Variants in NF2 observed in about 807,000 individuals in gnomAD.
NF2 encodes the protein merlin.
In NF2, 8 loss-of-function variants were observed where a neutral mutation model predicts 83.7. The ratio of observed to expected loss-of-function variants is 0.10; its 90% CI spans 0.06 to 0.17. NF2 has a LOEUF of 0.17. Ranked by LOEUF, NF2 falls within the 10% of genes least tolerant of loss-of-function variation. The probability of loss-of-function intolerance (pLI) is 1.00; values close to 1 mark genes in which losing one functional copy is unlikely to be tolerated. For missense variants in NF2, 533 were observed against 744.4 expected, an observed-to-expected ratio of 0.72 and a Z score of 3.31; for synonymous variants, 266 against 269.6, an observed-to-expected ratio of 0.99 and a Z score of 0.13.
chr22:29,608,402 C>T (rs1370087926), intron 1 of NF2, among the ~76,000 whole-genome samples: 2 of 150,918 alleles, frequency 1.3e-5, no homozygotes, highest in South Asian at 2.1e-4. Flanking sequence ...CCTCAGCCAC[C>T]GCACAGTGGC....
chr22:29,630,780 G>A (rs1273268159), intron 1 of NF2, among the ~76,000 whole-genome samples: 1 of 152,198 alleles, frequency 6.6e-6, no homozygotes, highest in Non-Finnish European at 1.5e-5. Context: ...AGAGCAGTTT[G>A]AACACTTTGG....
At chr22:29,691,796 G>A (rs1569318033) in intron 15 of NF2, among the ~76,000 whole-genome samples, 7 of 152,362 alleles carry the variant, frequency 4.6e-5, no homozygotes, top group Admixed American at 4.6e-4. Flanking sequence ...CAAGCTCTCT[G>A]TAGAAAAACT....
At chr22:29,628,475 G>A (rs2065426076) in intron 1 of NF2, among the ~76,000 whole-genome samples, 2 of 151,952 alleles carry the variant, frequency 1.3e-5, no homozygotes, top group Non-Finnish European at 2.9e-5. Context: ...AGAGTTGAAG[G>A]CAGTAATTAA....
intron 7 of NF2, among the ~76,000 whole-genome samples, chr22:29,660,150 C>A (rs897155187): frequency 6.6e-6 from 1 of 152,140 alleles, no homozygotes; most frequent in East Asian, 1.9e-4. Context: ...ACAGCACTGG[C>A]GGGTGGACCT....
chr22:29,688,301 G>A (rs2067316753), intron 15 of NF2, among the ~76,000 whole-genome samples: 2 of 152,130 alleles, frequency 1.3e-5, no homozygotes, highest in Admixed American at 1.3e-4. Context: ...CGGCCCCTCG[G>A]CACTGAAGAT....
chr22:29,635,624 G>A (rs1483256000), intron 1 of NF2, among the ~76,000 whole-genome samples: 5 of 152,106 alleles, frequency 3.3e-5, no homozygotes, highest in South Asian at 2.1e-4. Flanking sequence ...CACCACGCCC[G>A]GCTGCCTAAG....
At chr22:29,611,117 C>T (rs184503336) in intron 1 of NF2, among the ~76,000 whole-genome samples, 3 of 152,190 alleles carry the variant, frequency 2.0e-5, no homozygotes, top group East Asian at 3.9e-4. Context: ...AAGCATTTGA[C>T]AAAATTCAGC....
At chr22:29,683,304 G>A in intron 15 of NF2, 7 of 1,431,350 alleles carry the variant, frequency 4.9e-6, no homozygotes, top group Non-Finnish European at 6.4e-6. Context: ...TCATGGGGCT[G>A]TAGGACCAGC....
chr22:29,674,988 T>C, intron 13 of NF2, 47 bp downstream of exon 13: 2 of 1,482,266 alleles, frequency 1.3e-6, no homozygotes, highest in Non-Finnish European at 1.8e-6. Flanking sequence ...CCTGGTGATG[T>C]TCTCTTTCCT....
At chr22:29,650,881 G>A (rs1275581188) in intron 4 of NF2, among the ~76,000 whole-genome samples, 1 of 152,220 alleles carries the variant, frequency 6.6e-6, no homozygotes, top group Non-Finnish European at 1.5e-5. Flanking sequence ...GGGATTACAG[G>A]CATGAGCCAC....
intron 3 of NF2, among the ~76,000 whole-genome samples, chr22:29,640,768 CGTGTGTGTGT>C (rs10555211): frequency 2.0e-5 from 3 of 149,826 alleles, no homozygotes; most frequent in South Asian, 2.1e-4. Flanking sequence ...GTCTGGGGGG[CGTGTGTGTGT>C]GTGTGTGTGT....
At chr22:29,611,603 C>G (rs1307721055) in intron 1 of NF2, among the ~76,000 whole-genome samples, 1 of 152,184 alleles carries the variant, frequency 6.6e-6, no homozygotes, top group Non-Finnish European at 1.5e-5. Context: ...TCTACTTTCA[C>G]TACTGCTATT....
intron 6 of NF2, among the ~76,000 whole-genome samples, chr22:29,657,197 A>T (rs538479425): frequency 6.6e-6 from 1 of 152,234 alleles, no homozygotes; most frequent in African/African-American, 2.4e-5. Context: ...TTTTAATTCC[A>T]GATTGGCGTT....
intron 1 of NF2, among the ~76,000 whole-genome samples, chr22:29,626,398 C>T (rs972469068): frequency 2.6e-5 from 4 of 151,888 alleles, no homozygotes; most frequent in African/African-American, 7.3e-5. Flanking sequence ...GTGATCCACC[C>T]GCTTCGGTCT....
intron 1 of NF2, among the ~76,000 whole-genome samples, chr22:29,610,140 C>T (rs1429526804): frequency 6.6e-6 from 1 of 151,484 alleles, no homozygotes; most frequent in Non-Finnish European, 1.5e-5. Context: ...GAGCTTGAGA[C>T]CAACCTGGGC....
chr22:29,630,711 C>T (rs2065485969), intron 1 of NF2, among the ~76,000 whole-genome samples: 1 of 152,230 alleles, frequency 6.6e-6, no homozygotes. Context: ...TGAGCATCTG[C>T]CTCTTAGCCT....
At chr22:29,632,509 G>A (rs2065542360) in intron 1 of NF2, among the ~76,000 whole-genome samples, 1 of 152,226 alleles carries the variant, frequency 6.6e-6, no homozygotes, top group African/African-American at 2.4e-5. Context: ...GTGCGATGAA[G>A]GAGGTGATTA....
At chr22:29,646,791 C>G (rs936965972) in intron 4 of NF2, among the ~76,000 whole-genome samples, 3 of 152,154 alleles carry the variant, frequency 2.0e-5, no homozygotes, top group African/African-American at 4.8e-5. Context: ...CACCTGTAAT[C>G]CTAGCACTTT....
chr22:29,671,848 G>A lies in NF2; in HGVS notation c.1022G>A (p.Arg341Gln), dbSNP rs754087071. 8.1e-6 allele frequency: 13 copies of A among 1,614,066 alleles called. No individual in the cohort carries two copies. The highest frequency in any genetic ancestry group is 3.3e-5 in the Admixed American group (2 of 60,016). ...RKQMERQRLA[R>Q]EKQMREEAER... Reference sequence around the variant, plus strand: ...CAGATGGAGCGGCAGCGCCTCGCTCGAGAGAAGCAGATGAGGGAGGAGGCT... The same window carrying A: ...CAGATGGAGCGGCAGCGCCTCGCTCAAGAGAAGCAGATGAGGGAGGAGGCT... Residue 341 changes from arginine to glutamine, a missense_variant, in exon 11 of 16, where the codon CGA becomes CAA. Physicochemically the swap from Arg to Gln is conservative, Grantham distance 43 (BLOSUM62 1). Transcript: ENST00000338641.
Sources: gnomAD v4.1 joint callset for allele counts (sites outside exome capture counted in the v4.1 genomes callset) on GRCh38, gnomAD v4.1.1 for gene constraint, MANE v1.5 for transcripts, NCBI Gene and HGNC (gene_info 2026-07-23, HGNC 2026-07-21) for gene names.